FGFR2: variants seen among roughly 807,000 people sequenced by gnomAD.
FGFR2 encodes the protein fibroblast growth factor receptor 2.
FGFR2 carries 19 observed loss-of-function variants against 95.9 expected under a neutral mutation model. That is an observed-to-expected ratio of 0.20 (90% CI 0.14 to 0.29). The LOEUF (loss-of-function observed/expected upper bound fraction) is 0.29. FGFR2 is among the 10% of genes least tolerant of loss of function. The pLI is 1.00. For missense variants in FGFR2, 707 were observed against 1,056.9 expected (o/e 0.67, Z 4.59); for synonymous variants, 392 against 393.3 (o/e 1.00, Z 0.04).
intron 4 of FGFR2, among the ~76,000 whole-genome samples, chr10:121,554,133 G>C (rs937666369): frequency 2.0e-5 from 3 of 152,142 alleles, no homozygotes; most frequent in Non-Finnish European, 2.9e-5. Context: ...CAGGGTACGG[G>C]TGCAGTGCTG....
chr10:121,538,329 A>T (rs1853158586), intron 6 of FGFR2: 1 of 782,006 alleles, frequency 1.3e-6, no homozygotes, highest in Non-Finnish European at 2.4e-6. Flanking sequence ...CCAAAATGTC[A>T]GACATTTCAT....
intron 4 of FGFR2, among the ~76,000 whole-genome samples, chr10:121,554,943 C>A (rs2134915232): frequency 6.6e-6 from 1 of 152,234 alleles, no homozygotes; most frequent in South Asian, 2.1e-4. Flanking sequence ...CCTTTTATAC[C>A]AAGGCTCGTG....
At chr10:121,564,059 T>A (rs1857328419) in intron 4 of FGFR2, among the ~76,000 whole-genome samples, 1 of 152,104 alleles carries the variant, frequency 6.6e-6, no homozygotes, top group Non-Finnish European at 1.5e-5. Context: ...CAGCACCCCC[T>A]CCCTCTGTTG....
intron 7 of FGFR2, 79 bp downstream of exon 7, chr10:121,519,900 C>T: frequency 7.2e-7 from 1 of 1,389,128 alleles, no homozygotes; most frequent in Non-Finnish European, 1.0e-6. Context: ...TCAACTCCAA[C>T]AGGAAATCAA....
intron 5 of FGFR2, among the ~76,000 whole-genome samples, chr10:121,550,698 A>G (rs944128217): frequency 1.3e-5 from 2 of 152,166 alleles, no homozygotes; most frequent in Non-Finnish European, 2.9e-5. Context: ...AGTTTTATAC[A>G]CTATAAAGCA....
chr10:121,576,006 G>A (rs1178772387), intron 2 of FGFR2, among the ~76,000 whole-genome samples: 1 of 151,536 alleles, frequency 6.6e-6, no homozygotes, highest in Non-Finnish European at 1.5e-5. Flanking sequence ...TGACCAACAT[G>A]GAGAAACCCC....
chr10:121,591,393 G>A (rs868263658), intron 2 of FGFR2, among the ~76,000 whole-genome samples: 10 of 151,916 alleles, frequency 6.6e-5, no homozygotes, highest in African/African-American at 1.2e-4. Context: ...TGGCGACAAC[G>A]GCGACAAGGC....
At position 121,485,315 on chromosome 10, in the gene FGFR2, A is replaced by G; in HGVS notation, c.2195+80T>C. 1 of 1,600,696 alleles carries G rather than the reference A, an allele frequency of 6.2e-7. No individual in the cohort carries two copies. The highest frequency in any genetic ancestry group is 8.6e-7 in the Non-Finnish European group (1 of 1,169,540). On this transcript the variant is annotated intron_variant, in intron 16 of 17. Coordinates refer to ENST00000358487, the MANE Select transcript of FGFR2 (RefSeq NM_000141.5). This position sits in a 1 kb window ranked among gnomAD's most constrained non-coding sequence, Gnocchi z 4.2. The stretch of plus-strand genomic sequence containing the variant: ...CATGTTTAGGAAACCAGGGGCCTTC[A>G]AAAACGAGATACATCAGGAGAGGTA...
At chr10:121,594,357 G>T (rs1863135569) in intron 1 of FGFR2, among the ~76,000 whole-genome samples, 1 of 152,140 alleles carries the variant, frequency 6.6e-6, no homozygotes. Flanking sequence ...AAAATGCTCG[G>T]GTTGGCATAA....
Position 121,504,954 on chromosome 10 carries a change from A to T in FGFR2, c.1288-1013T>A, listed in dbSNP as rs556750456. ...TAAACCATGAACAAGACTTTGGCCC[A>T]AGAGAACAAGAATGTGAAGTTAACC... is the stretch of plus-strand genomic sequence containing the variant. On this transcript the variant is annotated intron_variant, in intron 9 of 17. Coordinates refer to ENST00000358487, the MANE Select transcript of FGFR2 (RefSeq NM_000141.5). Among the ~76,000 whole-genome samples, 158 of 152,324 alleles carry T rather than the reference A, an allele frequency of 1.0e-3. 1 individual carries two copies. The highest frequency in any genetic ancestry group is 3.5e-3 in the African/African-American group (145 of 41,576).
In FGFR2 at chr10:121,518,142, G is replaced by C; in HGVS notation, c.940-679C>G. On this transcript the variant is annotated intron_variant, in intron 7 of 17. Coordinates refer to ENST00000358487, the MANE Select transcript of FGFR2 (RefSeq NM_000141.5). The surrounding 1 kb of genome is among the most constrained non-coding windows in gnomAD (Gnocchi z 4.0). ...CTAAAAAGTCAACCTTTTGCCTTTAGTAGCGTCCAGTAGTACATTCATTAA... is the reference window on the plus strand; with the variant it reads ...CTAAAAAGTCAACCTTTTGCCTTTACTAGCGTCCAGTAGTACATTCATTAA... 1 of 362,712 alleles carries C rather than the reference G, an allele frequency of 2.8e-6. No individual in the cohort carries two copies. Among genetic ancestry groups the C allele is most frequent in the Non-Finnish European group, 5.3e-6 (1 of 189,570 alleles). 22.5% of individuals were successfully genotyped at this position (362,712 alleles called of 1,614,324 possible).
Position 121,597,978 on chromosome 10 carries a change from C to A in FGFR2, c.-167G>T. The A allele has an allele frequency of 2.5e-6, 1 of 394,128 alleles. No homozygotes were observed. The highest frequency in any genetic ancestry group is 1.3e-4 in the South Asian group (1 of 7,478). The allele number at this position is 394,128 out of a possible 1,614,324, so 24.4% of individuals were successfully genotyped here. On this transcript the variant is annotated 5_prime_UTR_variant, in exon 1 of 18. Transcript: ENST00000358487. ...GGCGATTACCTTGAATGGCAACGCT[C>A]CTCCGCGACCTGTGTTGTCCCCGCG...
intron 2 of FGFR2, among the ~76,000 whole-genome samples, chr10:121,581,761 TAAAAAAAAAA>T (rs55911512): frequency 3.2e-5 from 2 of 62,558 alleles, no homozygotes; most frequent in East Asian, 5.4e-4. Flanking sequence ...ACCCTGCATT[TAAAAAAAAAA>T]AAAAAAAAAA....
intron 1 of FGFR2, among the ~76,000 whole-genome samples, chr10:121,595,389 C>T (rs765477373): frequency 3.3e-5 from 5 of 152,176 alleles, no homozygotes; most frequent in East Asian, 1.9e-4. Context: ...ACAGGTGAAA[C>T]GGTGTGATTC....
chr10:121,549,906 G>C (rs1855114633), intron 5 of FGFR2, among the ~76,000 whole-genome samples: 1 of 152,126 alleles, frequency 6.6e-6, no homozygotes, highest in South Asian at 2.1e-4. Flanking sequence ...TCCTGATCCA[G>C]GCAACAATGA....
At chr10:121,506,890 T>G (rs1848368085) in intron 9 of FGFR2, among the ~76,000 whole-genome samples, 1 of 152,238 alleles carries the variant, frequency 6.6e-6, no homozygotes, top group South Asian at 2.1e-4. Flanking sequence ...GAAGAAGTAC[T>G]TTATTTAACA....
At chr10:121,572,484 T>C (rs999358602) in intron 2 of FGFR2, among the ~76,000 whole-genome samples, 3 of 152,116 alleles carry the variant, frequency 2.0e-5, no homozygotes, top group African/African-American at 7.2e-5. Flanking sequence ...CTGGGCGTGG[T>C]GGCATGTGCC....
intron 9 of FGFR2, among the ~76,000 whole-genome samples, chr10:121,506,176 G>A (rs1308981208): frequency 1.3e-5 from 2 of 151,944 alleles, no homozygotes; most frequent in African/African-American, 4.8e-5. Flanking sequence ...GGCCAACATG[G>A]TGAAACCCTA....
chr10:121,510,377 C>A (rs1848898413), intron 9 of FGFR2, among the ~76,000 whole-genome samples: 1 of 152,182 alleles, frequency 6.6e-6, no homozygotes, highest in African/African-American at 2.4e-5. Context: ...GAAAAGGGAG[C>A]AGCGAAATAG....
Sources: gnomAD v4.1 joint callset for allele counts (sites outside exome capture counted in the v4.1 genomes callset) on GRCh38, gnomAD v4.1.1 for gene constraint, Gnocchi (gnomAD v3.1) non-coding constraint, MANE v1.5 for transcripts, NCBI Gene and HGNC (gene_info 2026-07-23, HGNC 2026-07-21) for gene names.